The following DKC1 variants were observed in gnomAD, a reference collection of about 807,000 sequenced individuals.
The protein encoded by DKC1 is H/ACA ribonucleoprotein complex subunit DKC1.
Under a neutral mutation model 46.7 loss-of-function variants are expected in DKC1, and 4 were observed. That is an observed-to-expected ratio of 0.09 (90% CI 0.04 to 0.20). DKC1 has a LOEUF of 0.20. Ranked by LOEUF, DKC1 falls within the 10% of genes least tolerant of loss-of-function variation. The probability of loss-of-function intolerance (pLI) is 1.00; values close to 1 mark genes in which losing one functional copy is unlikely to be tolerated. For synonymous variants in DKC1, 141 were observed against 142.4 expected, an observed-to-expected ratio of 0.99 and a Z score of 0.07; for missense variants, 171 against 404.2, an observed-to-expected ratio of 0.42 and a Z score of 4.95.
chrX:154,766,464 T>C (rs1339852166), intron 5 of DKC1, 64 bp downstream of exon 5: 1 of 1,014,048 alleles, frequency 9.9e-7, no homozygotes, highest in African/African-American at 1.9e-5. Flanking sequence ...CCCTTCTATG[T>C]TTTGTCTGCT....
chrX:154,770,467 T>TAAAAAAAA (rs150045442), intron 9 of DKC1, among the ~76,000 whole-genome samples: 10 of 67,671 alleles, frequency 1.5e-4, no homozygotes, highest in East Asian at 1.0e-3. Context: ...GCCTGAAAAT[T>TAAAAAAAA]AAAAAAAAAA....
At chrX:154,774,250 G>A (rs985717209) in intron 11 of DKC1, among the ~76,000 whole-genome samples, 7 of 111,981 alleles carry the variant, frequency 6.3e-5, no homozygotes, top group African/African-American at 2.3e-4. Flanking sequence ...GTCTGGTCAA[G>A]GGATTGTCTG....
intron 7 of DKC1, 98 bp downstream of exon 7, chrX:154,767,480 C>T: frequency 9.9e-7 from 1 of 1,010,053 alleles, no homozygotes; most frequent in East Asian, 3.0e-5. Flanking sequence ...CTTTCTAAAA[C>T]CTGCCCTACA....
intron 1 of DKC1, among the ~76,000 whole-genome samples, chrX:154,763,780 G>C (rs1266239161): frequency 8.9e-6 from 1 of 112,004 alleles, no homozygotes; most frequent in Non-Finnish European, 1.9e-5. Context: ...CTTCAAACCT[G>C]GACAGCATGG....
At position 154,777,186 on chromosome X, in the gene DKC1, C is replaced by A; in HGVS notation, c.*319C>A. 4.9e-6 allele frequency: 1 copy of A among 205,471 alleles called. No homozygotes were observed. Among genetic ancestry groups the A allele is most frequent in the Non-Finnish European group, 8.9e-6 (1 of 111,854 alleles). 16.9% of individuals were successfully genotyped at this position (205,471 alleles called of 1,213,427 possible). On this transcript the variant is annotated 3_prime_UTR_variant, in exon 15 of 15. Coordinates refer to ENST00000369550, the MANE Select transcript of DKC1 (RefSeq NM_001363.5). The stretch of plus-strand genomic sequence containing the variant: ...CTAGTGGTTGTCTTAACATCGTAGT[C>A]CTAGTTTGCATTTTTTAAATCCCCT...
At position 154,774,583 on chromosome X, in the gene DKC1, C is replaced by G. The variant is rs1271740731; in HGVS notation, c.1156-19C>G. 3 of 1,190,065 alleles carry G rather than the reference C, an allele frequency of 2.5e-6. No homozygotes were observed. The highest frequency in any genetic ancestry group is 3.4e-6 in the Non-Finnish European group (3 of 877,105). ...AGCATTGACACCATTCTAATGTTGA[C>G]ACCTTGATGTTCCACCAGGCAAGTC... On this transcript the variant is annotated intron_variant, in intron 11 of 14. Transcript: ENST00000369550.
chrX:154,768,024 G>T (rs925606122), intron 7 of DKC1: 29 of 295,688 alleles, frequency 9.8e-5, no homozygotes, highest in Non-Finnish European at 1.7e-4. Flanking sequence ...CTAATTTTTT[G>T]TACATTTAGT....
Position 154,769,151 on chromosome X carries a change from C to T in DKC1, c.772-16C>T. On this transcript the variant is annotated splice_polypyrimidine_tract_variant and intron_variant, in intron 8 of 14. Transcript: ENST00000369550. ...ACAAATAAACTGAATTATTTTCATACATGGCTGCTTTTCAGGACCACATGG... is the reference window on the plus strand; with the variant it reads ...ACAAATAAACTGAATTATTTTCATATATGGCTGCTTTTCAGGACCACATGG... 8.3e-7 allele frequency: 1 copy of T among 1,209,841 alleles called. No individual in the cohort carries two copies. The highest frequency in any genetic ancestry group is 3.0e-5 in the East Asian group (1 of 33,821).
chrX:154,766,736 C>G (rs782818638), intron 5 of DKC1, among the ~76,000 whole-genome samples: 1 of 111,607 alleles, frequency 9.0e-6, no homozygotes, highest in African/African-American at 3.3e-5. Flanking sequence ...GCCTGCTTAT[C>G]TTGCAAGGCT....
At chrX:154,763,112 C>T (rs2071701544) in intron 1 of DKC1, 131 bp downstream of exon 1, 9 of 831,651 alleles carry the variant, frequency 1.1e-5, no homozygotes, top group East Asian at 3.5e-5. Context: ...CACCGCCCGG[C>T]CTTAAGCCGG....
intron 10 of DKC1, among the ~76,000 whole-genome samples, chrX:154,771,199 T>G (rs2071821676): frequency 1.0e-5 from 1 of 100,396 alleles, no homozygotes; most frequent in African/African-American, 3.7e-5. Context: ...TTTTTTTTTT[T>G]TTTTTTTTTT....
intron 7 of DKC1, 41 bp from the exon 8 acceptor site, chrX:154,768,261 T>C: frequency 8.3e-7 from 1 of 1,209,403 alleles, no homozygotes; most frequent in Non-Finnish European, 1.1e-6. Flanking sequence ...GTGATGTATT[T>C]ACAGTAGGTG....
intron 8 of DKC1, 155 bp downstream of exon 8, chrX:154,768,587 A>C (rs1557264525): frequency 1.4e-6 from 1 of 720,137 alleles, no homozygotes; most frequent in African/African-American, 2.1e-5. Context: ...AAACTTTGGG[A>C]CATTAAAATG....
At position 154,766,362 on chromosome X, in the gene DKC1, A is replaced by G; in HGVS notation, c.410A>G (p.Glu137Gly). The G allele has an allele frequency of 8.3e-7, 1 of 1,210,957 alleles. No homozygotes were observed. Among genetic ancestry groups the G allele is most frequent in the Non-Finnish European group, 1.1e-6 (1 of 895,271 alleles). The part of the protein sequence containing the change: ...KVTGCLIVCI[E>G]RATRLVKSQQ... ...ACTGGTTGTTTAATCGTGTGCATAG[A>G]ACGAGCCACTCGCTTGGTGAAGTCA... The change falls in exon 5 of 15, where the codon GAA becomes GGA. Residue 137 changes from glutamate to glycine, a missense_variant. Coordinates refer to ENST00000369550, the MANE Select transcript of DKC1 (RefSeq NM_001363.5).
intron 7 of DKC1, 136 bp from the exon 8 acceptor site, chrX:154,768,166 A>G: frequency 1.2e-6 from 1 of 862,725 alleles, no homozygotes; most frequent in Non-Finnish European, 1.7e-6. Context: ...ACAGATCTTT[A>G]CAGCAAATGC....
intron 3 of DKC1, 32 bp from the exon 4 acceptor site, chrX:154,765,875 A>G: frequency 1.9e-6 from 2 of 1,080,603 alleles, no homozygotes; most frequent in Admixed American, 2.2e-5. Flanking sequence ...ACGACATGGT[A>G]TTTTGTTTTG....
chrX:154,763,938 C>T (rs2071712946), intron 1 of DKC1, among the ~76,000 whole-genome samples: 1 of 111,248 alleles, frequency 9.0e-6, no homozygotes, highest in Non-Finnish European at 1.9e-5. Flanking sequence ...GCTGGCGGAT[C>T]ACCTGCGGTC....
chrX:154,765,312 C>T (rs2071731487), intron 2 of DKC1, 132 bp from the exon 3 acceptor site: 1 of 594,869 alleles, frequency 1.7e-6, no homozygotes, highest in Non-Finnish European at 3.0e-6. Flanking sequence ...TCTCTCTTTC[C>T]CTTGGAGGTC....
chrX:154,762,949 A>C lies in DKC1; in HGVS notation c.-17A>C. ...CTCGGCTGTGGACCGGGCGGCACGC[A>C]CGCGGTGCAGGGTAACATGGCGGAT... On this transcript the variant is annotated 5_prime_UTR_variant, in exon 1 of 15. Coordinates refer to ENST00000369550, the MANE Select transcript of DKC1 (RefSeq NM_001363.5). The C allele has an allele frequency of 4.2e-6, 5 of 1,180,517 alleles. No homozygotes were observed. The highest frequency in any genetic ancestry group is 5.7e-6 in the Non-Finnish European group (5 of 879,386).
Sources: gnomAD v4.1 joint callset for allele counts (sites outside exome capture counted in the v4.1 genomes callset) on GRCh38, gnomAD v4.1.1 for gene constraint, MANE v1.5 for transcripts, NCBI Gene and HGNC (gene_info 2026-07-23, HGNC 2026-07-21) for gene names.